The following CSMD1 variants were observed in gnomAD, a reference collection of about 807,000 sequenced individuals.
CSMD1 encodes CUB and Sushi multiple domains 1, also known as CUB and sushi domain-containing protein 1.
In CSMD1, 213 loss-of-function variants were observed where a neutral mutation model predicts 417.5. The ratio of observed to expected loss-of-function variants is 0.51; its 90% CI spans 0.46 to 0.57. CSMD1 has a LOEUF of 0.57. Among genes scored for constraint, CSMD1 ranks in the 20% least tolerant of loss-of-function variants. The pLI is 0.00. For synonymous variants in CSMD1, 2,862 were observed against 1,736.8 expected, an observed-to-expected ratio of 1.65 and a Z score of -16.11; for missense variants, 6,923 against 4,529.7, an observed-to-expected ratio of 1.53 and a Z score of -15.17.
intron 50 of CSMD1, among the ~76,000 whole-genome samples, chr8:3,036,052 T>C (rs189627179): frequency 9.8e-5 from 15 of 152,308 alleles, no homozygotes; most frequent in Admixed American, 8.5e-4. Flanking sequence ...TCCAGATCAG[T>C]TGAAAGTATA....
At chr8:3,485,694 C>G (rs1817988710) in intron 11 of CSMD1, among the ~76,000 whole-genome samples, 1 of 151,428 alleles carries the variant, frequency 6.6e-6, no homozygotes. Flanking sequence ...TGAGAGGCAG[C>G]AGTTGCAGTG....
At chr8:4,083,135 C>T (rs151221735) in intron 3 of CSMD1, among the ~76,000 whole-genome samples, 6 of 151,916 alleles carry the variant, frequency 3.9e-5, no homozygotes, top group Non-Finnish European at 7.4e-5. Context: ...TACCCAGTAA[C>T]GGGATGGCTG....
At position 2,936,225 on chromosome 8, in the gene CSMD1, G is replaced by C. The variant is rs186736073; in HGVS notation, c.*2360C>G. On this transcript the variant is annotated 3_prime_UTR_variant, in exon 70 of 70. Transcript: ENST00000635120. ...TATCTAATTTGATATGTGGTTTCTT[G>C]TATGTATGTATGTCCTGTCATTTCA... 1 of 151,960 alleles carries C rather than the reference G, an allele frequency of 6.6e-6. No individual in the cohort carries two copies. Among genetic ancestry groups the C allele is most frequent in the Admixed American group, 6.5e-5 (1 of 15,278 alleles). The allele number at this position is 151,960 out of a possible 1,614,324, so 9.4% of individuals were successfully genotyped here.
intron 1 of CSMD1, among the ~76,000 whole-genome samples, chr8:4,942,703 GAC>G (rs1310544791): frequency 1.3e-5 from 2 of 152,160 alleles, no homozygotes; most frequent in Non-Finnish European, 2.9e-5. Context: ...CAGTTTGGCA[GAC>G]ACAGAATCAG....
At chr8:3,831,361 C>T (rs1339723610) in intron 5 of CSMD1, among the ~76,000 whole-genome samples, 3 of 152,154 alleles carry the variant, frequency 2.0e-5, no homozygotes, top group Non-Finnish European at 4.4e-5. Flanking sequence ...ACAGCACTTG[C>T]AAACTCGTCT....
At chr8:4,577,620 C>T (rs941954264) in intron 2 of CSMD1, among the ~76,000 whole-genome samples, 1 of 152,154 alleles carries the variant, frequency 6.6e-6, no homozygotes, top group Admixed American at 6.5e-5. Context: ...CCAGGTAAGT[C>T]TTACTCTTCA....
At chr8:3,234,237 T>C (rs1412558094) in intron 26 of CSMD1, among the ~76,000 whole-genome samples, 1 of 152,188 alleles carries the variant, frequency 6.6e-6, no homozygotes, top group Non-Finnish European at 1.5e-5. Context: ...GGATTCCTTA[T>C]TTTGTTGCAG....
chr8:3,915,605 T>C (rs753395728), intron 5 of CSMD1, among the ~76,000 whole-genome samples: 15 of 151,330 alleles, frequency 9.9e-5, no homozygotes, highest in Non-Finnish European at 1.9e-4. Context: ...ATTACTGAAA[T>C]ACTTGAAAAG....
intron 52 of CSMD1, among the ~76,000 whole-genome samples, chr8:3,012,152 T>C (rs1453252461): frequency 6.6e-6 from 1 of 152,236 alleles, no homozygotes; most frequent in Non-Finnish European, 1.5e-5. Flanking sequence ...TGTACTCGGA[T>C]GCACCTGTGC....
intron 12 of CSMD1, among the ~76,000 whole-genome samples, chr8:3,426,996 G>A (rs1417663591): frequency 6.6e-6 from 1 of 152,168 alleles, no homozygotes; most frequent in Non-Finnish European, 1.5e-5. Flanking sequence ...GCATGAAGGA[G>A]AGGAATGCAG....
At chr8:3,525,716 T>A (rs1463456313) in intron 10 of CSMD1, among the ~76,000 whole-genome samples, 2 of 152,166 alleles carry the variant, frequency 1.3e-5, no homozygotes, top group African/African-American at 4.8e-5. Flanking sequence ...CACTCAGATT[T>A]TAACACCTAG....
intron 8 of CSMD1, among the ~76,000 whole-genome samples, chr8:3,611,825 T>G (rs1188939848): frequency 3.3e-5 from 5 of 152,100 alleles, no homozygotes; most frequent in African/African-American, 4.8e-5. Context: ...TACAAAATCA[T>G]GCATATACAA....
chr8:4,297,118 G>T (rs550595867), intron 3 of CSMD1, among the ~76,000 whole-genome samples: 5 of 152,050 alleles, frequency 3.3e-5, no homozygotes, highest in African/African-American at 1.2e-4. Context: ...GGTGTAATAC[G>T]TTTTAATCTT....
At chr8:3,370,417 G>C (rs113116340) in intron 18 of CSMD1, among the ~76,000 whole-genome samples, 1 of 152,208 alleles carries the variant, frequency 6.6e-6, no homozygotes, top group Non-Finnish European at 1.5e-5. Context: ...TCCACCTGCA[G>C]TTGTGAGGCC....
At chr8:3,144,829 G>T (rs1022830278) in intron 40 of CSMD1, among the ~76,000 whole-genome samples, 1 of 142,142 alleles carries the variant, frequency 7.0e-6, no homozygotes. Context: ...GAAGGGGTAA[G>T]GGAGGGAGGG....
intron 12 of CSMD1, among the ~76,000 whole-genome samples, chr8:3,454,692 T>C (rs963311885): frequency 7.9e-5 from 12 of 152,248 alleles, no homozygotes; most frequent in African/African-American, 2.9e-4. Context: ...GCTGTTAGTC[T>C]GATGGGCTTC....
At position 3,455,345 on chromosome 8, in the gene CSMD1, T is replaced by C. The variant is rs149741503; in HGVS notation, c.1561+13367A>G. ...TCATTCTCTGTCCAACGTTGCTCCA[T>C]TGCTGGTGAGGAGCTGCTTTCCTTT... On this transcript the variant is annotated intron_variant, in intron 12 of 69. Coordinates refer to ENST00000635120, the MANE Select transcript of CSMD1 (RefSeq NM_033225.6). Among the ~76,000 whole-genome samples, 108 of 152,362 alleles carry C rather than the reference T, an allele frequency of 7.1e-4. 1 individual carries two copies. In the East Asian group the frequency reaches 0.01, roughly 15 times the overall value.
chr8:3,708,582 T>C, intron 6 of CSMD1, 91 bp from the exon 7 acceptor site: 1 of 1,073,624 alleles, frequency 9.3e-7, no homozygotes. Context: ...TCATAACTGC[T>C]TTCTATCAAC....
rs1211971533 is a variant in CSMD1 at position 3,345,750 on chromosome 8, G to A, written c.3474+2242C>T. On this transcript the variant is annotated intron_variant, in intron 22 of 69. Coordinates refer to ENST00000635120, the MANE Select transcript of CSMD1 (RefSeq NM_033225.6). Reference sequence around the variant, plus strand: ...GCCATATACTCAAGGGATGTTGCTGGGTTAGCTGATGATCACAGATTAGAA... The same window carrying A: ...GCCATATACTCAAGGGATGTTGCTGAGTTAGCTGATGATCACAGATTAGAA... Among the ~76,000 whole-genome samples the A allele has an allele frequency of 2.0e-5, 3 of 152,268 alleles. No homozygotes were observed. The South Asian group carries it at 6.2e-4, about 32-fold the overall frequency.
Sources: gnomAD v4.1 joint callset for allele counts (sites outside exome capture counted in the v4.1 genomes callset) on GRCh38, gnomAD v4.1.1 for gene constraint, MANE v1.5 for transcripts, NCBI Gene and HGNC (gene_info 2026-07-23, HGNC 2026-07-21) for gene names.